The following EYA4 variants were observed in gnomAD, a reference collection of about 807,000 sequenced individuals.
The protein encoded by EYA4 is EYA transcriptional coactivator and phosphatase 4, also known as protein phosphatase EYA4.
Under a neutral mutation model 87.9 loss-of-function variants are expected in EYA4, and 31 were observed. That is an observed-to-expected ratio of 0.35 (90% CI 0.27 to 0.48). EYA4 has a LOEUF of 0.48. Ranked by LOEUF, EYA4 falls within the 20% of genes least tolerant of loss-of-function variation. EYA4 has a pLI of 0.99. For missense variants in EYA4, 678 were observed against 761.4 expected (o/e 0.89, Z 1.29); for synonymous variants, 263 against 270.6 (o/e 0.97, Z 0.28).
Position 133,398,585 on chromosome 6 carries a change from TC to T in EYA4, c.83+16145del, listed in dbSNP as rs2128509191. On this transcript the variant is annotated intron_variant, in intron 3 of 19. Transcript: ENST00000355286. ...ATTGTCAGTAATAAGAGTTAGAACT[TC>T]TAAGTGTGACATGTGTTTTTTATTT... Among the ~76,000 whole-genome samples, 4 of 152,300 alleles carry T rather than the reference TC, an allele frequency of 2.6e-5. No homozygotes were observed. In the South Asian group the frequency reaches 8.3e-4, roughly 32 times the overall value.
chr6:133,460,029 T>C (rs1794240431), intron 6 of EYA4, among the ~76,000 whole-genome samples: 1 of 152,150 alleles, frequency 6.6e-6, no homozygotes, highest in African/African-American at 2.4e-5. Flanking sequence ...TTGTGATATA[T>C]ATAGAAATAT....
At chr6:133,444,864 G>A (rs185268866) in intron 3 of EYA4, among the ~76,000 whole-genome samples, 64 of 152,248 alleles carry the variant, frequency 4.2e-4, no homozygotes, top group African/African-American at 9.4e-4. Flanking sequence ...TAGATCCCCC[G>A]TAATTAGGTC....
At chr6:133,419,850 G>T (rs1790067152) in intron 3 of EYA4, among the ~76,000 whole-genome samples, 1 of 152,180 alleles carries the variant, frequency 6.6e-6, no homozygotes, top group South Asian at 2.1e-4. Flanking sequence ...TAGCATGGCA[G>T]CCAGTACATG....
intron 2 of EYA4, among the ~76,000 whole-genome samples, chr6:133,317,120 C>G (rs534711266): frequency 8.5e-5 from 13 of 152,256 alleles, no homozygotes; most frequent in Admixed American, 1.3e-4. Context: ...AACAGCTGCT[C>G]AAAACTGTAC....
intron 13 of EYA4, among the ~76,000 whole-genome samples, chr6:133,491,951 CAAAAAA>C (rs34316449): frequency 1.2e-5 from 1 of 83,740 alleles, no homozygotes; most frequent in African/African-American, 4.7e-5. Context: ...AACTCCGTCT[CAAAAAA>C]AAAAAAAAAA....
At chr6:133,482,085 T>C (rs1247331608) in intron 12 of EYA4, among the ~76,000 whole-genome samples, 2 of 152,244 alleles carry the variant, frequency 1.3e-5, no homozygotes, top group African/African-American at 2.4e-5. Flanking sequence ...TTTCATTATA[T>C]GTCACTTTCT....
At chr6:133,437,378 C>A (rs1791786978) in intron 3 of EYA4, among the ~76,000 whole-genome samples, 1 of 152,172 alleles carries the variant, frequency 6.6e-6, no homozygotes, top group Non-Finnish European at 1.5e-5. Flanking sequence ...GCTCTGGCAT[C>A]AGATAAACAT....
chr6:133,514,468 C>T (rs566113420), intron 16 of EYA4, among the ~76,000 whole-genome samples: 12 of 152,242 alleles, frequency 7.9e-5, no homozygotes, highest in South Asian at 2.1e-4. Flanking sequence ...TAAACAACCA[C>T]GAGTCTACTT....
intron 2 of EYA4, among the ~76,000 whole-genome samples, chr6:133,342,887 T>C (rs1044613297): frequency 1.3e-5 from 2 of 152,136 alleles, no homozygotes; most frequent in African/African-American, 4.8e-5. Flanking sequence ...CCTAGGTATT[T>C]ACTAATAGTT....
chr6:133,365,984 G>A (rs1000160221), intron 2 of EYA4, among the ~76,000 whole-genome samples: 2 of 152,208 alleles, frequency 1.3e-5, no homozygotes, highest in African/African-American at 4.8e-5. Flanking sequence ...AACTGGCCTT[G>A]TGATAAATGG....
At position 133,324,904 on chromosome 6, in the gene EYA4, A is replaced by ATTTTT. The variant is rs756478373; in HGVS notation, c.33+50111_33+50115dup. ...ATTTATGGAGTATATTTCAGAAGCT[A>ATTTTT]TTTTTTTTTTTTTTTTTTTTTTTTG... On this transcript the variant is annotated intron_variant, in intron 2 of 19. Coordinates refer to ENST00000355286, the MANE Select transcript of EYA4 (RefSeq NM_004100.5). Among the ~76,000 whole-genome samples the ATTTTT allele has an allele frequency of 9.5e-4, 79 of 83,568 alleles. 8 individuals carry two copies. Among genetic ancestry groups the ATTTTT allele is most frequent in the African/African-American group, 2.8e-3 (59 of 21,068 alleles). 54.8% of individuals were successfully genotyped at this position (83,568 alleles called of 152,430 possible).
chr6:133,418,598 A>G (rs1477192297), intron 3 of EYA4, among the ~76,000 whole-genome samples: 3 of 152,342 alleles, frequency 2.0e-5, no homozygotes, highest in Non-Finnish European at 2.9e-5. Context: ...TTCTCCATAC[A>G]TTTCAAATAT....
At chr6:133,311,928 G>A (rs549296856) in intron 2 of EYA4, among the ~76,000 whole-genome samples, 1 of 152,292 alleles carries the variant, frequency 6.6e-6, no homozygotes, top group African/African-American at 2.4e-5. Flanking sequence ...TCATCTACTG[G>A]TAGAATAGAT....
intron 2 of EYA4, among the ~76,000 whole-genome samples, chr6:133,363,589 C>T (rs570457647): frequency 2.0e-4 from 31 of 151,908 alleles, no homozygotes; most frequent in African/African-American, 7.2e-4. Context: ...ATTCTCCTGC[C>T]TCAGCCTCCC....
chr6:133,494,308 C>G (rs893831247), intron 13 of EYA4, among the ~76,000 whole-genome samples: 1 of 152,042 alleles, frequency 6.6e-6, no homozygotes, highest in Admixed American at 6.6e-5. Context: ...TGAAATAAGC[C>G]AGGCACAAGG....
rs71771244 is a variant in EYA4, at chr6:133,294,023, T to TTATA, written c.33+19247_33+19250dup. Among the ~76,000 whole-genome samples the TTATA allele has an allele frequency of 4.8e-3, 379 of 78,688 alleles. 8 individuals carry two copies. The highest frequency in any genetic ancestry group is 0.026 in the Middle Eastern group (3 of 116). 51.6% of individuals were successfully genotyped at this position (78,688 alleles called of 152,430 possible). A position where few individuals can be genotyped will look rare whatever the true frequency, so the allele number is the denominator to read the frequency against. On this transcript the variant is annotated intron_variant, in intron 2 of 19. Transcript: ENST00000355286. ...AATTCCTGTGCTCCCTAGGGTGATT[T>TTATA]TATATATATATATATATATATATAT...
intron 11 of EYA4, among the ~76,000 whole-genome samples, chr6:133,469,165 AAT>A: frequency 6.6e-6 from 1 of 152,022 alleles, no homozygotes; most frequent in African/African-American, 2.4e-5. Context: ...TAGGTAGTTT[AAT>A]ATCTTTGTGT....
chr6:133,268,049 A>G (rs1370378581), intron 1 of EYA4, among the ~76,000 whole-genome samples: 1 of 152,166 alleles, frequency 6.6e-6, no homozygotes, highest in Non-Finnish European at 1.5e-5. Context: ...CAATAATCCA[A>G]AAAACATGTA....
At chr6:133,397,805 C>T (rs550124639) in intron 3 of EYA4, among the ~76,000 whole-genome samples, 1 of 152,258 alleles carries the variant, frequency 6.6e-6, no homozygotes, top group South Asian at 2.1e-4. Flanking sequence ...TGGGGGCCGA[C>T]AAGAGAAGAG....
Sources: gnomAD v4.1 joint callset for allele counts (sites outside exome capture counted in the v4.1 genomes callset) on GRCh38, gnomAD v4.1.1 for gene constraint, MANE v1.5 for transcripts, NCBI Gene and HGNC (gene_info 2026-07-23, HGNC 2026-07-21) for gene names.